The following YIPF2 variants were observed in gnomAD, a reference collection of about 807,000 sequenced individuals.
YIPF2 encodes Yip1 domain family member 2.
YIPF2 carries 30 observed loss-of-function variants against 38.8 expected under a neutral mutation model. The ratio of observed to expected loss-of-function variants is 0.77; its 90% CI spans 0.58 to 1.05. YIPF2 has a LOEUF of 1.05. YIPF2 is among the 50% of genes least tolerant of loss of function. YIPF2 has a pLI of 0.00. For synonymous variants in YIPF2, 194 were observed against 183.8 expected (o/e 1.06, Z -0.45); for missense variants, 401 against 409.7 (o/e 0.98, Z 0.18).
chr19:10,924,034 C>T (rs372781310), intron 6 of YIPF2, 35 bp from the exon 7 acceptor site: 81 of 1,612,568 alleles, frequency 5.0e-5, no homozygotes, highest in Non-Finnish European at 7.6e-6. Flanking sequence ...ACCCCCTGTA[C>T]CCCAGGGCCC....
intron 8 of YIPF2, 42 bp downstream of exon 8, chr19:10,923,453 C>T (rs201077340): frequency 1.1e-5 from 17 of 1,613,050 alleles, no homozygotes; most frequent in African/African-American, 6.7e-5. Context: ...CCCATGCCCC[C>T]CTAGCCCCTC....
Position 10,927,835 on chromosome 19 carries a change from G to C in YIPF2, c.156C>G (p.Ala52=). 6.2e-7 allele frequency: 1 copy of C among 1,609,678 alleles called. No individual in the cohort carries two copies. Among genetic ancestry groups the C allele is most frequent in the Non-Finnish European group, 8.5e-7 (1 of 1,177,190 alleles). ...CACTCTCCTCCTCCACCTCATCCTC[G>C]GCTCCATAGCTGCCACCTGAGCCCA... ...VAVGSGGSYG[A]EDEVEEESDK... Residue 52 remains alanine (A), a synonymous_variant, in exon 3 of 10, where the codon GCC becomes GCG. Transcript: ENST00000586748.
chr19:10,927,149 A>C (rs2083438096), intron 4 of YIPF2, among the ~76,000 whole-genome samples: 1 of 152,200 alleles, frequency 6.6e-6, no homozygotes, highest in South Asian at 2.1e-4. Flanking sequence ...CTGGGATTAC[A>C]GGCATGAGCC....
intron 5 of YIPF2, among the ~76,000 whole-genome samples, chr19:10,925,253 C>A (rs1354671744): frequency 6.6e-6 from 1 of 151,566 alleles, no homozygotes; most frequent in Non-Finnish European, 1.5e-5. Flanking sequence ...AAAAAGATCT[C>A]TTCTTGCCAC....
At position 10,924,171 on chromosome 19, in the gene YIPF2, G is replaced by A. The variant is rs771720623; in HGVS notation, c.389C>T (p.Thr130Met). The A allele has an allele frequency of 6.2e-5, 100 of 1,612,516 alleles. No individual in the cohort carries two copies. Among genetic ancestry groups the A allele is most frequent in the Non-Finnish European group, 7.6e-5 (90 of 1,179,908 alleles). ...AGTGACGGCCAGGACAAAGGCCAAC[G>A]TGGCACAGATCCAGAAGGGGCCTGG... ...DLYGPFWICATLAFVLAVTGN... is the reference protein window; with the variant it reads ...DLYGPFWICAMLAFVLAVTGN... Residue 130 changes from threonine to methionine, a missense_variant, in exon 6 of 10, where the codon ACG becomes ATG. Transcript: ENST00000586748.
Position 10,925,743 on chromosome 19 carries a change from G to T in YIPF2, c.310C>A (p.Pro104Thr). The T allele has an allele frequency of 6.2e-7, 1 of 1,613,898 alleles. No homozygotes were observed. The highest frequency in any genetic ancestry group is 8.5e-7 in the Non-Finnish European group (1 of 1,179,990). Residue 104 changes from proline (P) to threonine (T), a missense_variant, in exon 5 of 10, where the codon CCC becomes ACC. Coordinates refer to ENST00000586748, the MANE Select transcript of YIPF2 (RefSeq NM_001321439.2). Reference sequence around the variant, plus strand: ...CGCACAAAGTTGTGGCCAGGCCGGGGCAGCAGTGAGCCTTTGATCCGGTCC... The same window carrying T: ...CGCACAAAGTTGTGGCCAGGCCGGGTCAGCAGTGAGCCTTTGATCCGGTCC... ...VLDRIKGSLL[P>T]RPGHNFVRHH...
chr19:10,924,521 T>A (rs1279191141), intron 5 of YIPF2, among the ~76,000 whole-genome samples: 1 of 152,048 alleles, frequency 6.6e-6, no homozygotes, highest in Non-Finnish European at 1.5e-5. Flanking sequence ...CATGTCTGCG[T>A]TCACCCATAG....
chr19:10,924,415 T>C (rs892920889), intron 5 of YIPF2, among the ~76,000 whole-genome samples: 7 of 152,060 alleles, frequency 4.6e-5, no homozygotes, highest in African/African-American at 1.7e-4. Context: ...GTGTCTCACC[T>C]CATTGGTGCC....
In YIPF2 at chr19:10,925,691, A is replaced by C; in HGVS notation, c.362T>G (p.Leu121Arg). ...VRHHLRNRPD[L>R]YGPFWICATL... is the part of the protein sequence containing the mutation. ...AAATGCACAACCTCACTCACCATAC[A>C]GATCCGGCCGATTCCGCAGATGGTG... The change falls in exon 5 of 10, where the codon CTG becomes CGG. Residue 121 changes from leucine (L) to arginine (R), a missense_variant. By Grantham distance (102) the Leu-to-Arg change is moderately radical (BLOSUM62 -2). Transcript: ENST00000586748. The C allele has an allele frequency of 6.2e-7, 1 of 1,614,014 alleles. No individual in the cohort carries two copies.
Position 10,928,557 on chromosome 19 carries a change from C to A in YIPF2, c.-77G>T. Reference sequence around the variant, plus strand: ...GGAGGCTTGAACTCGTCGTCCCGTCCCCACAGGTGCGCTCCGCCCCCCCTC... The same window carrying A: ...GGAGGCTTGAACTCGTCGTCCCGTCACCACAGGTGCGCTCCGCCCCCCCTC... On this transcript the variant is annotated 5_prime_UTR_variant, in exon 1 of 10. Transcript: ENST00000586748. 3 of 1,132,318 alleles carry A rather than the reference C, an allele frequency of 2.6e-6. No homozygotes were observed. Among genetic ancestry groups the A allele is most frequent in the Non-Finnish European group, 3.5e-6 (3 of 851,786 alleles). 70.1% of individuals were successfully genotyped at this position (1,132,318 alleles called of 1,614,324 possible).
chr19:10,923,201 GCCC>G, intron 9 of YIPF2, 27 bp from the exon 10 acceptor site: 1 of 1,306,502 alleles, frequency 7.7e-7, no homozygotes, highest in South Asian at 1.5e-5. Flanking sequence ...TCTGGGAGTG[GCCC>G]CAGAACCTCT....
chr19:10,928,244 CAG>C (rs2083457768), intron 2 of YIPF2, 134 bp downstream of exon 2: 1 of 1,130,150 alleles, frequency 8.8e-7, no homozygotes, highest in South Asian at 2.5e-5. Flanking sequence ...GGGTTCGAGT[CAG>C]AGATGGGTCT....
chr19:10,924,301 G>T, intron 5 of YIPF2, 109 bp from the exon 6 acceptor site: 1 of 1,015,714 alleles, frequency 9.8e-7, no homozygotes, highest in Non-Finnish European at 1.4e-6. Flanking sequence ...TAAGCACCTT[G>T]CCTGACTCAC....
Position 10,928,363 on chromosome 19 carries a change from G to T in YIPF2, c.31+17C>A, listed in dbSNP as rs932742660. ...GGGCGGGAGTGGGAGATCCGGCCACGTCGGGGCCGCACTCACCATGGAAGG... is the reference window on the plus strand; with the variant it reads ...GGGCGGGAGTGGGAGATCCGGCCACTTCGGGGCCGCACTCACCATGGAAGG... On this transcript the variant is annotated intron_variant, in intron 2 of 9. Coordinates refer to ENST00000586748, the MANE Select transcript of YIPF2 (RefSeq NM_001321439.2). The T allele has an allele frequency of 3.0e-6, 4 of 1,326,272 alleles. No individual in the cohort carries two copies. In the African/African-American group the frequency reaches 4.6e-5, roughly 15 times the overall value. The allele number at this position is 1,326,272 out of a possible 1,614,324, so 82.2% of individuals were successfully genotyped here.
intron 7 of YIPF2, 56 bp from the exon 8 acceptor site, chr19:10,923,733 C>T: frequency 6.3e-7 from 1 of 1,578,230 alleles, no homozygotes; most frequent in South Asian, 1.2e-5. Flanking sequence ...ACCACCCACT[C>T]TGCACCAGGC....
rs932297853 is a variant in YIPF2 at position 10,923,036 on chromosome 19, C to T, written c.*158G>A. 16 of 432,184 alleles carry T rather than the reference C, an allele frequency of 3.7e-5. No individual in the cohort carries two copies. Among genetic ancestry groups the T allele is most frequent in the African/African-American group, 4.2e-5 (2 of 47,996 alleles). The allele number at this position is 432,184 out of a possible 1,614,324, so 26.8% of individuals were successfully genotyped here. A position where few individuals can be genotyped will look rare whatever the true frequency, so the allele number is the denominator to read the frequency against. On this transcript the variant is annotated 3_prime_UTR_variant, in exon 10 of 10. Coordinates refer to ENST00000586748, the MANE Select transcript of YIPF2 (RefSeq NM_001321439.2). ...GCCTTTATATAAATTCTCTGAATCA[C>T]CTTTGCATAGAAAATAAAAGTGTTT...
Position 10,927,699 on chromosome 19 carries a change from C to G in YIPF2, c.210G>C (p.Gln70His), listed in dbSNP as rs1452323495. 1 of 1,613,458 alleles carries G rather than the reference C, an allele frequency of 6.2e-7. No homozygotes were observed. The highest frequency in any genetic ancestry group is 2.2e-5 in the East Asian group (1 of 44,906). ...TCCAGAATCCCGGCTGCTGCTGCTG[C>G]TGCTGCTCCTGCAGGAGCTGCACAT... ...SDKAALLQEQQQQQQPGFWTF... is the reference protein window; with the variant it reads ...SDKAALLQEQHQQQQPGFWTF... Residue 70 changes from glutamine (Q) to histidine (H), a missense_variant, in exon 4 of 10, where the codon CAG (glutamine) becomes CAC (histidine). Physicochemically the swap from Gln to His is conservative, Grantham distance 24. Coordinates refer to ENST00000586748, the MANE Select transcript of YIPF2 (RefSeq NM_001321439.2).
intron 2 of YIPF2, among the ~76,000 whole-genome samples, 169 bp downstream of exon 2, chr19:10,928,210 AG>A (rs1264342625): frequency 1.1e-5 from 1 of 90,046 alleles, no homozygotes; most frequent in Admixed American, 1.4e-4. Context: ...CTCGGGTTTG[AG>A]GTCTGAGTTC....
At chr19:10,926,280 G>A (rs2083424612) in intron 4 of YIPF2, among the ~76,000 whole-genome samples, 2 of 150,490 alleles carry the variant, frequency 1.3e-5, no homozygotes, top group South Asian at 4.2e-4. Context: ...AGGCTGGAGT[G>A]CAGTGGTGCC....
Sources: gnomAD v4.1 joint callset for allele counts (sites outside exome capture counted in the v4.1 genomes callset) on GRCh38, gnomAD v4.1.1 for gene constraint, MANE v1.5 for transcripts, NCBI Gene and HGNC (gene_info 2026-07-23, HGNC 2026-07-21) for gene names.